The following PUM1 variants were observed in gnomAD, a reference collection of about 807,000 sequenced individuals.
The protein encoded by PUM1 is pumilio homolog 1.
In PUM1, 13 loss-of-function variants were observed where a neutral mutation model predicts 131.8. The observed-to-expected ratio is 0.10, with a 90% CI of 0.06 to 0.16. The LOEUF is 0.16. Ranked by LOEUF, PUM1 falls within the 10% of genes least tolerant of loss-of-function variation. The pLI, the probability that PUM1 is intolerant of heterozygous loss-of-function variation, is 1.00. For missense variants in PUM1, 961 were observed against 1,512.4 expected (o/e 0.64, Z 6.05); for synonymous variants, 509 against 556.5 (o/e 0.91, Z 1.20).
chr1:30,982,713 C>CTCTT (rs1442562685), intron 7 of PUM1, among the ~76,000 whole-genome samples: 1 of 152,202 alleles, frequency 6.6e-6, no homozygotes, highest in Non-Finnish European at 1.5e-5. Context: ...ACTGGACTTA[C>CTCTT]TCTTATCTTA....
chr1:31,019,312 G>A (rs532403309), intron 3 of PUM1, among the ~76,000 whole-genome samples: 4 of 152,156 alleles, frequency 2.6e-5, no homozygotes, highest in East Asian at 1.9e-4. Context: ...ACATAGTGCC[G>A]CTGCGCTCCA....
chr1:31,023,578 A>T (rs1214466294), intron 3 of PUM1, among the ~76,000 whole-genome samples: 1 of 152,176 alleles, frequency 6.6e-6, no homozygotes, highest in Non-Finnish European at 1.5e-5. Flanking sequence ...CCATCCCACG[A>T]ACTCTGATGG....
chr1:30,979,615 G>C (rs1641279276), intron 9 of PUM1, among the ~76,000 whole-genome samples: 1 of 151,760 alleles, frequency 6.6e-6, no homozygotes, highest in Non-Finnish European at 1.5e-5. Flanking sequence ...ATCAATAAAA[G>C]GTTTAAGCAG....
At chr1:30,971,073 C>T (rs1465997075) in intron 10 of PUM1, among the ~76,000 whole-genome samples, 1 of 152,134 alleles carries the variant, frequency 6.6e-6, no homozygotes, top group Non-Finnish European at 1.5e-5. Flanking sequence ...TTCATTTCAT[C>T]AATAGCTGTC....
intron 2 of PUM1, among the ~76,000 whole-genome samples, chr1:31,043,351 C>A (rs575555211): frequency 6.6e-6 from 1 of 151,878 alleles, no homozygotes; most frequent in Admixed American, 6.6e-5. Context: ...TATAGGCACC[C>A]CCCCATCATG....
chr1:31,033,417 G>C (rs1011506197), intron 2 of PUM1, among the ~76,000 whole-genome samples: 1 of 129,306 alleles, frequency 7.7e-6, no homozygotes, highest in Non-Finnish European at 1.5e-5. Flanking sequence ...ACGGAGTCTC[G>C]CTCTGTCGCC....
chr1:30,945,596 A>C, intron 17 of PUM1, 113 bp from the exon 18 acceptor site: 1 of 1,126,138 alleles, frequency 8.9e-7, no homozygotes, highest in Non-Finnish European at 1.3e-6. Context: ...TGTGATGATG[A>C]AAGTGGAATA....
In PUM1 at chr1:30,931,643, T is replaced by C. The variant is rs1364308932; in HGVS notation, c.*1568A>G. On this transcript the variant is annotated 3_prime_UTR_variant, in exon 22 of 22. Transcript: ENST00000426105. ...AATTATACACATATGGTTACAAGTG[T>C]GCTTGCAAAAAAGTTCATTGGAAAT... The C allele has an allele frequency of 2.0e-5, 3 of 152,748 alleles. No homozygotes were observed. The highest frequency in any genetic ancestry group is 6.5e-5 in the Admixed American group (1 of 15,290). The allele number at this position is 152,748 out of a possible 1,614,324, so 9.5% of individuals were successfully genotyped here.
rs181805423 is a variant in PUM1 at position 30,954,125 on chromosome 1, C to T, written c.2324-144G>A. ...TTTTGTGTCAAGACAATTCTATTAG[C>T]GTCATGACTTTCGTGGGTCAACTCA... On this transcript the variant is annotated intron_variant, in intron 14 of 21. Coordinates refer to ENST00000426105, the MANE Select transcript of PUM1 (RefSeq NM_001020658.2). The T allele has an allele frequency of 1.7e-4, 153 of 883,444 alleles. No homozygotes were observed. The Admixed American group carries it at 3.4e-3, about 20-fold the overall frequency. 54.7% of individuals were successfully genotyped at this position (883,444 alleles called of 1,614,324 possible).
At chr1:30,974,080 T>G (rs1641039978) in intron 10 of PUM1, among the ~76,000 whole-genome samples, 1 of 137,974 alleles carries the variant, frequency 7.2e-6, no homozygotes, top group Admixed American at 7.4e-5. Flanking sequence ...AGAGCTAGAC[T>G]CCATCTCAAA....
intron 6 of PUM1, among the ~76,000 whole-genome samples, chr1:30,994,537 T>C (rs1162900055): frequency 6.6e-6 from 1 of 152,186 alleles, no homozygotes; most frequent in Non-Finnish European, 1.5e-5. Flanking sequence ...GAACAAATCA[T>C]TTAAGCTGCA....
Position 30,992,514 on chromosome 1 carries a change from A to C in PUM1, c.1034T>G (p.Val345Gly). Residue 345 changes from valine (V) to glycine (G), a missense_variant, in exon 7 of 22, where the codon GTC becomes GGC. Physicochemically the swap from Val to Gly is moderately radical, Grantham distance 109. This residue lies in a region of PUM1 where 654 missense variants were observed against 923.9 expected (regional missense o/e 0.71). Coordinates refer to ENST00000426105, the MANE Select transcript of PUM1 (RefSeq NM_001020658.2). ...CACATGTTCCATGGGGTCCAAGGGG[A>C]CACTCTGGGACTCCATGTTGGAGAA... ...EDFSNMESQS[V>G]PLDPMEHVGM... is the part of the protein sequence containing the mutation. 1.2e-6 allele frequency: 2 copies of C among 1,614,224 alleles called. No individual in the cohort carries two copies. Among genetic ancestry groups the C allele is most frequent in the Non-Finnish European group, 1.7e-6 (2 of 1,180,038 alleles).
intron 2 of PUM1, chr1:31,036,917 T>C (rs929331966): frequency 3.8e-5 from 6 of 156,242 alleles, no homozygotes; most frequent in Non-Finnish European, 7.2e-5. Context: ...ATAAGAGTAA[T>C]TGATGAGTCA....
intron 2 of PUM1, among the ~76,000 whole-genome samples, chr1:31,029,092 A>C (rs1643323679): frequency 6.6e-6 from 1 of 152,222 alleles, no homozygotes; most frequent in African/African-American, 2.4e-5. Context: ...TCAAAACATG[A>C]AAAACACAAA....
At position 31,027,918 on chromosome 1, in the gene PUM1, A is replaced by G. The variant is rs565736513; in HGVS notation, c.432+878T>C. On this transcript the variant is annotated intron_variant, in intron 3 of 21. Coordinates refer to ENST00000426105, the MANE Select transcript of PUM1 (RefSeq NM_001020658.2). ...AAATATTAAAATCGATGTAGGAGCT[A>G]TCAAATATTAGATACACAAAAAATG... is the stretch of plus-strand genomic sequence containing the variant. Among the ~76,000 whole-genome samples the G allele has an allele frequency of 2.0e-5, 3 of 152,326 alleles. No homozygotes were observed. In the East Asian group the frequency reaches 5.8e-4, roughly 29 times the overall value.
chr1:31,038,110 T>C (rs1300734615), intron 2 of PUM1, among the ~76,000 whole-genome samples: 13 of 150,408 alleles, frequency 8.6e-5, no homozygotes, highest in Admixed American at 8.0e-4. Context: ...CATCATTTAA[T>C]ACTTCAACTG....
intron 2 of PUM1, among the ~76,000 whole-genome samples, chr1:31,048,587 G>A (rs1293024108): frequency 4.6e-5 from 7 of 151,292 alleles, no homozygotes; most frequent in Non-Finnish European, 1.0e-4. Context: ...CAATTCTCCT[G>A]CCTCAGCCTC....
intron 18 of PUM1, among the ~76,000 whole-genome samples, chr1:30,943,222 T>C: frequency 6.6e-6 from 1 of 152,182 alleles, no homozygotes; most frequent in East Asian, 1.9e-4. Context: ...TTTACAATAC[T>C]GTGAGTTTCT....
intron 3 of PUM1, among the ~76,000 whole-genome samples, chr1:31,017,842 A>C (rs2124528511): frequency 6.6e-6 from 1 of 152,324 alleles, no homozygotes; most frequent in African/African-American, 2.4e-5. Context: ...AACAGTAGTA[A>C]CATTATAAAA....
Sources: allele counts gnomAD v4.1 joint callset (sites outside exome capture counted in the v4.1 genomes callset), GRCh38; gene constraint gnomAD v4.1.1; regional missense constraint gnomAD v4.1.1; transcripts MANE v1.5; gene names NCBI Gene and HGNC (gene_info 2026-07-23, HGNC 2026-07-21).